Variants in CDKAL1 observed in about 807,000 individuals in gnomAD.
CDKAL1 encodes the protein threonylcarbamoyladenosine tRNA methylthiotransferase.
A neutral mutation model predicts 68.2 loss-of-function variants in CDKAL1; 32 were observed. That is an observed-to-expected ratio of 0.47 (90% confidence interval 0.35 to 0.63). CDKAL1 has a LOEUF of 0.63. Ranked by LOEUF, CDKAL1 falls within the 30% of genes least tolerant of loss-of-function variation. The pLI, the probability that CDKAL1 is intolerant of heterozygous loss-of-function variation, is 0.00. For missense variants in CDKAL1, 606 were observed against 696.7 expected (o/e 0.87, Z 1.47); for synonymous variants, 234 against 244.3 (o/e 0.96, Z 0.39).
At position 21,003,343 on chromosome 6, in the gene CDKAL1, A is replaced by AATATATATATAT. The variant is rs71540608; in HGVS notation, c.1055+2989_1055+3000dup. On this transcript the variant is annotated intron_variant, in intron 11 of 15. Transcript: ENST00000274695. The stretch of plus-strand genomic sequence containing the variant: ...CAACATGGTGAAACCATCTCTACTA[A>AATATATATATAT]ATATATATATATATATATATATATA... 8.0e-3 allele frequency among the ~76,000 whole-genome samples: 322 copies of AATATATATATAT among 40,382 alleles called. 24 individuals carry two copies. The highest frequency in any genetic ancestry group is 0.018 in the Middle Eastern group (1 of 56). The allele number at this position is 40,382 out of a possible 152,430, so 26.5% of individuals were successfully genotyped here. A position where few individuals can be genotyped will look rare whatever the true frequency, so the allele number is the denominator to read the frequency against.
intron 6 of CDKAL1, among the ~76,000 whole-genome samples, chr6:20,751,941 A>T (rs1277357713): frequency 6.6e-6 from 1 of 152,150 alleles, no homozygotes; most frequent in Non-Finnish European, 1.5e-5. Flanking sequence ...TTCTCCCAGA[A>T]TGAGTTCAAT....
chr6:20,784,409 T>TTTG (rs1378390229), intron 8 of CDKAL1, among the ~76,000 whole-genome samples: 2 of 112,228 alleles, frequency 1.8e-5, no homozygotes, highest in East Asian at 5.2e-4. Context: ...AGATATTTTA[T>TTTG]TTCTTTTTTT....
chr6:21,167,577 T>C (rs1325745924), intron 13 of CDKAL1, among the ~76,000 whole-genome samples: 1 of 152,218 alleles, frequency 6.6e-6, no homozygotes, highest in Admixed American at 6.5e-5. Context: ...ATCAAATTGA[T>C]GGCAAGTCCA....
At chr6:20,562,017 T>C (rs759812000) in intron 4 of CDKAL1, among the ~76,000 whole-genome samples, 2 of 152,228 alleles carry the variant, frequency 1.3e-5, no homozygotes, top group Non-Finnish European at 2.9e-5. Flanking sequence ...TCTTATTCAA[T>C]TGGAAGCAGT....
At chr6:21,118,006 C>G (rs1439976052) in intron 13 of CDKAL1, among the ~76,000 whole-genome samples, 1 of 152,064 alleles carries the variant, frequency 6.6e-6, no homozygotes, top group Non-Finnish European at 1.5e-5. Context: ...AAGTTTTAAC[C>G]TGGGGAACTT....
intron 9 of CDKAL1, among the ~76,000 whole-genome samples, chr6:20,879,147 GGATATA>G (rs1760689987): frequency 6.6e-6 from 1 of 151,970 alleles, no homozygotes; most frequent in Non-Finnish European, 1.5e-5. Flanking sequence ...TGTACCAAAA[GGATATA>G]GAAATACCTG....
At chr6:21,198,398 C>A (rs1562110013) in intron 14 of CDKAL1, among the ~76,000 whole-genome samples, 1 of 152,174 alleles carries the variant, frequency 6.6e-6, no homozygotes, top group Non-Finnish European at 1.5e-5. Context: ...AGAATTCCCA[C>A]ACCCTGGCAA....
intron 4 of CDKAL1, among the ~76,000 whole-genome samples, chr6:20,644,768 A>G (rs1324808203): frequency 6.6e-6 from 1 of 152,220 alleles, no homozygotes; most frequent in African/African-American, 2.4e-5. Context: ...AAGATTATGT[A>G]ATTTTTTGGC....
At chr6:20,685,702 T>A (rs1176051657) in intron 5 of CDKAL1, among the ~76,000 whole-genome samples, 1 of 152,176 alleles carries the variant, frequency 6.6e-6, no homozygotes, top group Non-Finnish European at 1.5e-5. Flanking sequence ...TTTTAAAAAA[T>A]TTTATTTTAT....
chr6:21,226,951 T>C (rs1398442271), intron 15 of CDKAL1, among the ~76,000 whole-genome samples: 2 of 152,210 alleles, frequency 1.3e-5, no homozygotes, highest in African/African-American at 4.8e-5. Context: ...GACCTCGTGA[T>C]CCGCCTCGGC....
intron 4 of CDKAL1, among the ~76,000 whole-genome samples, chr6:20,642,369 T>A (rs922770445): frequency 6.6e-6 from 1 of 151,568 alleles, no homozygotes; most frequent in Middle Eastern, 3.2e-3. Context: ...AGGGTTGATA[T>A]CCTATGTGGC....
chr6:20,788,015 C>A (rs1391397495), intron 8 of CDKAL1, among the ~76,000 whole-genome samples: 1 of 152,162 alleles, frequency 6.6e-6, no homozygotes, highest in Non-Finnish European at 1.5e-5. Context: ...TCTTGAGTGT[C>A]CCTTCTTTAA....
At chr6:21,004,173 A>T (rs531948375) in intron 11 of CDKAL1, among the ~76,000 whole-genome samples, 109 of 152,358 alleles carry the variant, frequency 7.2e-4, no homozygotes, top group African/African-American at 2.5e-3. Flanking sequence ...CAAGCTTTCA[A>T]ACTGCTAATT....
intron 4 of CDKAL1, among the ~76,000 whole-genome samples, chr6:20,616,032 T>A (rs1436494836): frequency 1.3e-5 from 2 of 148,982 alleles, no homozygotes; most frequent in Non-Finnish European, 3.0e-5. Flanking sequence ...ATTTATTAAA[T>A]AGGGAATCCT....
intron 9 of CDKAL1, among the ~76,000 whole-genome samples, chr6:20,885,273 C>T (rs1294619369): frequency 1.3e-5 from 2 of 152,142 alleles, no homozygotes; most frequent in African/African-American, 4.8e-5. Flanking sequence ...TCAGAACCTA[C>T]TACAGAGTTA....
intron 12 of CDKAL1, among the ~76,000 whole-genome samples, chr6:21,075,483 A>G (rs1772022802): frequency 6.6e-6 from 1 of 151,960 alleles, no homozygotes; most frequent in Non-Finnish European, 1.5e-5. Context: ...TTGCCTACTG[A>G]AAAAAAAGAG....
intron 11 of CDKAL1, among the ~76,000 whole-genome samples, chr6:21,011,392 A>G (rs1295058508): frequency 6.6e-6 from 1 of 152,196 alleles, no homozygotes; most frequent in African/African-American, 2.4e-5. Context: ...TCAAAAAAAA[A>G]AGAAAAAGAT....
chr6:21,189,593 G>A (rs1355740475), intron 13 of CDKAL1, among the ~76,000 whole-genome samples: 1 of 152,150 alleles, frequency 6.6e-6, no homozygotes, highest in African/African-American at 2.4e-5. Context: ...GAACCCTTAA[G>A]TAGACCAACA....
chr6:20,985,201 C>T (rs564106555), intron 10 of CDKAL1, among the ~76,000 whole-genome samples: 71 of 152,270 alleles, frequency 4.7e-4, no homozygotes, highest in South Asian at 3.1e-3. Flanking sequence ...GCTTGAACAT[C>T]ACTTTACGTG....
Sources: gnomAD v4.1 joint callset for allele counts (sites outside exome capture counted in the v4.1 genomes callset) on GRCh38, gnomAD v4.1.1 for gene constraint, MANE v1.5 for transcripts, NCBI Gene and HGNC (gene_info 2026-07-23, HGNC 2026-07-21) for gene names.